PDZD9: variants seen among roughly 807,000 people sequenced by gnomAD.
PDZD9 encodes PDZ domain containing 9.
A neutral mutation model predicts 16.3 loss-of-function variants in PDZD9; 13 were observed. The ratio of observed to expected loss-of-function variants is 0.80; its 90% confidence interval spans 0.52 to 1.27. The LOEUF (loss-of-function observed/expected upper bound fraction) is 1.27. Among genes scored for constraint, PDZD9 ranks in the 50% most tolerant of loss-of-function variants. The pLI is 0.00. For missense variants in PDZD9, 288 were observed against 310.9 expected, an observed-to-expected ratio of 0.93 and a Z score of 0.55; for synonymous variants, 120 against 111.0, an observed-to-expected ratio of 1.08 and a Z score of -0.51.
chr16:21,962,432 A>G, the PDZD9 span: 9 of 1,613,544 alleles, frequency 5.6e-6, no homozygotes, highest in Admixed American at 1.2e-4. Flanking sequence ...GATTCAGATG[A>G]TTTACTCTAG....
chr16:21,975,892 C>T, the PDZD9 span, among the ~76,000 whole-genome samples: 1 of 152,028 alleles, frequency 6.6e-6, no homozygotes, highest in Non-Finnish European at 1.5e-5. Flanking sequence ...CACATCTCTA[C>T]AAAAAAAGCT....
chr16:21,993,169 T>C (rs1899065657), intron 2 of PDZD9, among the ~76,000 whole-genome samples: 2 of 152,174 alleles, frequency 1.3e-5, no homozygotes, highest in Admixed American at 1.3e-4. Flanking sequence ...AATGCACTAA[T>C]ACAGTAGGTG....
the PDZD9 span, among the ~76,000 whole-genome samples, chr16:21,970,886 A>G: frequency 6.6e-6 from 1 of 151,838 alleles, no homozygotes; most frequent in Non-Finnish European, 1.5e-5. Flanking sequence ...GTGCCCAGTC[A>G]ACTTTGGAGA....
At chr16:21,979,474 G>A (rs1567480099), downstream of PDZD9, among the ~76,000 whole-genome samples, 1 of 152,066 alleles carries the variant, frequency 6.6e-6, no homozygotes, top group Non-Finnish European at 1.5e-5. Context: ...TGGGCTCTAT[G>A]GTATAGTCTA....
At chr16:21,960,463 G>A in the PDZD9 span, among the ~76,000 whole-genome samples, 1 of 152,196 alleles carries the variant, frequency 6.6e-6, no homozygotes, top group East Asian at 1.9e-4. Flanking sequence ...ATCCAGACCA[G>A]TAAAACTCTG....
chr16:22,000,764 C>G (rs1375740444), intron 1 of PDZD9, among the ~76,000 whole-genome samples: 1 of 151,582 alleles, frequency 6.6e-6, no homozygotes, highest in Non-Finnish European at 1.5e-5. Context: ...GCAGAGGTTG[C>G]AGTGAGCTGA....
the PDZD9 span, chr16:21,973,827 A>G: frequency 1.4e-6 from 2 of 1,472,698 alleles, no homozygotes; most frequent in Non-Finnish European, 1.9e-6. Flanking sequence ...TTTTCTAGGC[A>G]AACTTAAAGA....
At chr16:21,994,186 AC>A (rs1281523115) in intron 2 of PDZD9, among the ~76,000 whole-genome samples, 1 of 152,162 alleles carries the variant, frequency 6.6e-6, no homozygotes, top group African/African-American at 2.4e-5. Context: ...ACAGAGTGAT[AC>A]CCCATCTATC....
downstream of PDZD9, among the ~76,000 whole-genome samples, chr16:21,979,950 T>TGCAGTA (rs1473601188): frequency 1.1e-4 from 17 of 152,316 alleles, 1 homozygote; most frequent in South Asian, 8.3e-4. Context: ...CATGAGATAA[T>TGCAGTA]CAATGCTTCC....
chr16:21,980,470 C>G, downstream of PDZD9: 1 of 1,501,222 alleles, frequency 6.7e-7, no homozygotes, highest in Non-Finnish European at 9.0e-7. Flanking sequence ...TTGATGTTCA[C>G]AGCCCCCCGC....
At chr16:21,993,777 C>T (rs762621209) in intron 2 of PDZD9, among the ~76,000 whole-genome samples, 1 of 152,192 alleles carries the variant, frequency 6.6e-6, no homozygotes, top group African/African-American at 2.4e-5. Context: ...AAAACACACA[C>T]ATGCAAAAGT....
chr16:21,998,621 G>A (rs542368251), intron 1 of PDZD9, among the ~76,000 whole-genome samples: 10 of 152,050 alleles, frequency 6.6e-5, no homozygotes, highest in African/African-American at 2.4e-4. Context: ...GAACCCAGGA[G>A]GCAGAGGTTG....
At chr16:21,979,316 A>G (rs1315212825), downstream of PDZD9, among the ~76,000 whole-genome samples, 7 of 152,194 alleles carry the variant, frequency 4.6e-5, no homozygotes, top group Admixed American at 2.6e-4. Flanking sequence ...CAACTTGACT[A>G]TGGAGGAAAA....
At chr16:21,991,802 A>G (rs1197022668) in intron 2 of PDZD9, among the ~76,000 whole-genome samples, 1 of 152,196 alleles carries the variant, frequency 6.6e-6, no homozygotes, top group African/African-American at 2.4e-5. Context: ...ACTGAGTTAC[A>G]GATTTTAAAG....
chr16:22,000,397 G>A (rs1218985193), intron 1 of PDZD9, among the ~76,000 whole-genome samples: 3 of 151,652 alleles, frequency 2.0e-5, no homozygotes, highest in African/African-American at 7.3e-5. Flanking sequence ...ATGGGGGTGT[G>A]AGGAGCTGCA....
chr16:21,967,856 C>T, the PDZD9 span, among the ~76,000 whole-genome samples: 2 of 152,082 alleles, frequency 1.3e-5, no homozygotes, highest in Non-Finnish European at 2.9e-5. Flanking sequence ...TCTGTTAGCC[C>T]TGTTATAGAA....
intron 3 of PDZD9, among the ~76,000 whole-genome samples, chr16:21,985,872 T>G (rs950769480): frequency 6.6e-6 from 1 of 152,242 alleles, no homozygotes; most frequent in African/African-American, 2.4e-5. Context: ...CCACTAGTCT[T>G]AAATACTGAT....
the PDZD9 span, among the ~76,000 whole-genome samples, chr16:21,963,833 T>G: frequency 6.6e-6 from 1 of 152,202 alleles, no homozygotes; most frequent in Non-Finnish European, 1.5e-5. Flanking sequence ...GCTGCTGCTA[T>G]TATTGCTTAC....
chr16:21,994,911 G>C (rs1410418000), intron 2 of PDZD9, among the ~76,000 whole-genome samples: 1 of 151,652 alleles, frequency 6.6e-6, no homozygotes, highest in Non-Finnish European at 1.5e-5. Context: ...GCTCACTACA[G>C]CCTCGGCCTC....
Sources: allele counts gnomAD v4.1 joint callset (sites outside exome capture counted in the v4.1 genomes callset), GRCh38; gene constraint gnomAD v4.1.1; transcripts MANE v1.5; gene names NCBI Gene and HGNC (gene_info 2026-07-23, HGNC 2026-07-21).